Variants in TSHZ3 observed in about 807,000 individuals in gnomAD.
TSHZ3 encodes the protein teashirt zinc finger homeobox 3.
A neutral mutation model predicts 64.5 loss-of-function variants in TSHZ3; 10 were observed. That is an observed-to-expected ratio of 0.16 (90% CI 0.10 to 0.26). TSHZ3 has a LOEUF of 0.26. Ranked by LOEUF, TSHZ3 falls within the 10% of genes least tolerant of loss-of-function variation. The pLI is 1.00. For missense variants in TSHZ3, 1,242 were observed against 1,421.7 expected, an observed-to-expected ratio of 0.87 and a Z score of 2.03; for synonymous variants, 608 against 593.1, an observed-to-expected ratio of 1.03 and a Z score of -0.36.
chr19:31,186,490 C>T (rs1465259889), intron 5 of TSHZ3, among the ~76,000 whole-genome samples: 2 of 152,166 alleles, frequency 1.3e-5, no homozygotes, highest in African/African-American at 4.8e-5. Flanking sequence ...CTTCCCTTTC[C>T]CCCTTCTGTC....
Position 31,278,049 on chromosome 19 carries a change from T to A in TSHZ3, c.1744A>T (p.Ile582Phe), listed in dbSNP as rs1450407909. The change falls in exon 2 of 2, where the codon ATT (isoleucine) becomes TTT (phenylalanine). Residue 582 changes from isoleucine to phenylalanine, a missense_variant. By Grantham distance (21) the Ile-to-Phe change is conservative (BLOSUM62 0). Coordinates refer to ENST00000240587, the MANE Select transcript of TSHZ3 (RefSeq NM_020856.4). This position sits in a 1 kb window ranked among gnomAD's most constrained non-coding sequence, Gnocchi z 4.7. The stretch of plus-strand genomic sequence containing the variant: ...GTCTGGTTTTTCGTCGGGGAGACAA[T>A]CTCACTGTTGCCAAACATGGGTTTC... ...PLKPMFGNSE[I>F]VSPTKNQTLV... 6.2e-7 allele frequency: 1 copy of A among 1,613,432 alleles called. No individual in the cohort carries two copies. The highest frequency in any genetic ancestry group is 1.3e-5 in the African/African-American group (1 of 74,908).
chr19:31,265,030 G>A (rs1187567955), intron 1 of TSHZ3, among the ~76,000 whole-genome samples: 1 of 152,040 alleles, frequency 6.6e-6, no homozygotes, highest in Non-Finnish European at 1.5e-5. Context: ...GGCCCACCCT[G>A]TACACTTCTG....
chr19:31,346,450 T>C (rs1917595309), intron 1 of TSHZ3, among the ~76,000 whole-genome samples: 1 of 152,222 alleles, frequency 6.6e-6, no homozygotes, highest in African/African-American at 2.4e-5. Context: ...TCTCCAATCA[T>C]TAAAGCTGTC....
At chr19:31,163,344 C>A (rs1026339942) in intron 5 of TSHZ3, among the ~76,000 whole-genome samples, 3 of 152,080 alleles carry the variant, frequency 2.0e-5, no homozygotes, top group Non-Finnish European at 2.9e-5. Context: ...GCCTTGAATG[C>A]CAATTTTTAG....
intron 1 of TSHZ3, among the ~76,000 whole-genome samples, chr19:31,304,621 C>T (rs55947631): frequency 0.04 from 6,019 of 151,946 alleles, 173 homozygotes; most frequent in African/African-American, 0.082. Flanking sequence ...AGTATCATTT[C>T]CAAACCTCTC....
intron 5 of TSHZ3, among the ~76,000 whole-genome samples, chr19:31,184,936 A>G (rs1239063070): frequency 6.6e-6 from 1 of 152,104 alleles, no homozygotes; most frequent in African/African-American, 2.4e-5. Flanking sequence ...CTGCCTCTTT[A>G]TTTTTCCCCC....
chr19:31,265,914 C>T lies in TSHZ3; in HGVS notation n.64-23039G>A, dbSNP rs537084917. 2.6e-5 allele frequency among the ~76,000 whole-genome samples: 4 copies of T among 152,294 alleles called. No homozygotes were observed. In the East Asian group the frequency reaches 5.8e-4, roughly 22 times the overall value. On this transcript the variant is annotated intron_variant and non_coding_transcript_variant, in intron 1 of 6. Coordinates refer to the TSHZ3 transcript ENST00000651361. ...CACTGAGCACCCATGTCCAGTTGGG[C>T]CTGAAGCCCCTTATCCTAGACTACA...
intron 1 of TSHZ3, among the ~76,000 whole-genome samples, chr19:31,325,027 C>T (rs1396498163): frequency 6.6e-6 from 1 of 152,234 alleles, no homozygotes; most frequent in Non-Finnish European, 1.5e-5. Context: ...CCCAAAAGGA[C>T]ATTTTCAGTA....
intron 5 of TSHZ3, among the ~76,000 whole-genome samples, chr19:31,186,202 G>A (rs1974806835): frequency 6.6e-6 from 1 of 152,048 alleles, no homozygotes; most frequent in Non-Finnish European, 1.5e-5. Context: ...GGAATTGCTG[G>A]GCTCTAGGGT....
At chr19:31,194,351 C>A (rs1019622303) in intron 5 of TSHZ3, among the ~76,000 whole-genome samples, 1 of 152,192 alleles carries the variant, frequency 6.6e-6, no homozygotes, top group African/African-American at 2.4e-5. Context: ...GCATTCTGTT[C>A]TTCTTAACAA....
chr19:31,321,040 A>G (rs1293661646), intron 1 of TSHZ3, among the ~76,000 whole-genome samples: 1 of 152,252 alleles, frequency 6.6e-6, no homozygotes, highest in East Asian at 1.9e-4. Context: ...TAGCTTGGCA[A>G]CTGTCAATAC....
At chr19:31,309,204 A>G (rs765051298) in intron 1 of TSHZ3, among the ~76,000 whole-genome samples, 4 of 152,290 alleles carry the variant, frequency 2.6e-5, no homozygotes, top group African/African-American at 9.6e-5. Context: ...GGGGGTCCCT[A>G]TGGTCTCTCA....
intron 4 of TSHZ3, among the ~76,000 whole-genome samples, chr19:31,223,796 G>A (rs1975422231): frequency 6.6e-6 from 1 of 152,068 alleles, no homozygotes; most frequent in East Asian, 1.9e-4. Context: ...ACTCCTAATG[G>A]CACCCGTGGG....
chr19:31,235,796 G>A (rs1234841283), intron 3 of TSHZ3, among the ~76,000 whole-genome samples: 1 of 142,632 alleles, frequency 7.0e-6, no homozygotes, highest in African/African-American at 2.6e-5. Context: ...CTGCAACCAC[G>A]GCCTCCTGGG....
chr19:31,307,517 A>G (rs1007757926), intron 1 of TSHZ3, among the ~76,000 whole-genome samples: 5 of 142,766 alleles, frequency 3.5e-5, no homozygotes, highest in Non-Finnish European at 1.5e-5. Flanking sequence ...CTGGTGTTCC[A>G]TTAGGACCCC....
chr19:31,280,298 G>T (rs115681491), intron 1 of TSHZ3, among the ~76,000 whole-genome samples: 1,861 of 150,512 alleles, frequency 0.012, 45 homozygotes, highest in African/African-American at 0.041. Flanking sequence ...AAAAAGAAAA[G>T]TACGTCCATT....
intron 1 of TSHZ3, among the ~76,000 whole-genome samples, chr19:31,256,336 C>A (rs1319285422): frequency 6.6e-6 from 1 of 152,142 alleles, no homozygotes; most frequent in African/African-American, 2.4e-5. Flanking sequence ...CCGCCCAGCC[C>A]CATCAGCTCT....
At chr19:31,187,048 T>C (rs1209802694) in intron 5 of TSHZ3, among the ~76,000 whole-genome samples, 1 of 152,106 alleles carries the variant, frequency 6.6e-6, no homozygotes, top group Non-Finnish European at 1.5e-5. Flanking sequence ...TGAGTTCTTT[T>C]GGGGTACACT....
chr19:31,153,444 A>G (rs1200450392), intron 6 of TSHZ3, among the ~76,000 whole-genome samples: 2 of 152,228 alleles, frequency 1.3e-5, no homozygotes, highest in African/African-American at 4.8e-5. Flanking sequence ...AATGGATTGC[A>G]GTTTTGGCAG....
Sources: gnomAD v4.1 joint callset for allele counts (sites outside exome capture counted in the v4.1 genomes callset) on GRCh38, gnomAD v4.1.1 for gene constraint, Gnocchi (gnomAD v3.1) non-coding constraint, MANE v1.5 for transcripts, NCBI Gene and HGNC (gene_info 2026-07-23, HGNC 2026-07-21) for gene names.